The following CUBN variants were observed in gnomAD, a reference collection of about 807,000 sequenced individuals.
CUBN encodes the protein 460 kDa receptor.
Under a neutral mutation model 405.3 loss-of-function variants are expected in CUBN, and 282 were observed. The observed-to-expected ratio is 0.70, with a 90% confidence interval of 0.63 to 0.77. CUBN has a LOEUF of 0.77. Among genes scored for constraint, CUBN ranks in the 30% least tolerant of loss-of-function variants. The pLI is 0.00. For synonymous variants in CUBN, 1,684 were observed against 1,617.0 expected, an observed-to-expected ratio of 1.04 and a Z score of -0.99; for missense variants, 4,514 against 4,475.2, an observed-to-expected ratio of 1.01 and a Z score of -0.25.
At position 16,824,606 on chromosome 10, in the gene CUBN, T is replaced by A. The variant is rs1330826878; in HGVS notation, c.*369A>T. On this transcript the variant is annotated 3_prime_UTR_variant, in exon 67 of 67. Coordinates refer to ENST00000377833, the MANE Select transcript of CUBN (RefSeq NM_001081.4). The stretch of plus-strand genomic sequence containing the variant: ...TGTGATCTTAGCTCACTGCAACCTC[T>A]GCCTCCTGGGTTCAAGCAATTCTCC... 3.1e-6 allele frequency: 1 copy of A among 318,064 alleles called. No individual in the cohort carries two copies. Among genetic ancestry groups the A allele is most frequent in the African/African-American group, 2.2e-5 (1 of 46,158 alleles). The allele number at this position is 318,064 out of a possible 1,614,324, so 19.7% of individuals were successfully genotyped here.
At chr10:16,845,418 T>G (rs2131327930) in intron 60 of CUBN, among the ~76,000 whole-genome samples, 1 of 152,314 alleles carries the variant, frequency 6.6e-6, no homozygotes, top group Non-Finnish European at 1.5e-5. Context: ...TGAGGTCTGC[T>G]GGGCAACATG....
chr10:16,866,164 T>C (rs1174019974), intron 59 of CUBN, among the ~76,000 whole-genome samples: 2 of 152,136 alleles, frequency 1.3e-5, no homozygotes, highest in Non-Finnish European at 2.9e-5. Flanking sequence ...TGAAGTGTTA[T>C]AGAATACATC....
chr10:16,901,680 C>G (rs559368748), intron 51 of CUBN, among the ~76,000 whole-genome samples: 14 of 151,686 alleles, frequency 9.2e-5, no homozygotes, highest in African/African-American at 3.4e-4. Context: ...ATGGTGAAAC[C>G]CCATCTCAAC....
At chr10:17,004,429 C>A (rs1454169646) in intron 28 of CUBN, among the ~76,000 whole-genome samples, 1 of 152,196 alleles carries the variant, frequency 6.6e-6, no homozygotes. Flanking sequence ...ATACTGACAC[C>A]AGCAATTGCT....
chr10:16,993,940 G>T (rs1032060337), intron 28 of CUBN, among the ~76,000 whole-genome samples: 2 of 152,120 alleles, frequency 1.3e-5, no homozygotes, highest in Non-Finnish European at 2.9e-5. Flanking sequence ...TACCTCTGAG[G>T]ATTAACATAT....
rs35076405 is a variant in CUBN at position 17,065,133 on chromosome 10, C to T, written c.3139+375G>A. On this transcript the variant is annotated intron_variant, in intron 22 of 66. Coordinates refer to ENST00000377833, the MANE Select transcript of CUBN (RefSeq NM_001081.4). ...TTTATCATTTCTCTCTCTCTCTCCC[C>T]CCCCCCCCACACACACATGCACAGA... Among the ~76,000 whole-genome samples, 2 of 134,256 alleles carry T rather than the reference C, an allele frequency of 1.5e-5. 1 individual carries two copies. The highest frequency in any genetic ancestry group is 4.8e-4 in the South Asian group (2 of 4,144). 88.1% of individuals were successfully genotyped at this position (134,256 alleles called of 152,430 possible).
intron 54 of CUBN, among the ~76,000 whole-genome samples, chr10:16,897,295 G>C (rs140563080): frequency 8.1e-4 from 111 of 136,334 alleles, no homozygotes; most frequent in African/African-American, 3.1e-3. Context: ...TTAGCAGGCT[G>C]TCACCCTGTT....
At chr10:16,939,179 C>A (rs1200721190) in intron 37 of CUBN, 32 bp from the exon 38 acceptor site, 1 of 1,550,630 alleles carries the variant, frequency 6.4e-7, no homozygotes, top group South Asian at 1.1e-5. Context: ...TAAATCAGAC[C>A]CACTTAGAAT....
chr10:17,022,483 C>G (rs1011134354), intron 27 of CUBN, among the ~76,000 whole-genome samples: 2 of 151,998 alleles, frequency 1.3e-5, no homozygotes, highest in African/African-American at 4.8e-5. Flanking sequence ...TTATCAGAAG[C>G]CTCCCCTATA....
intron 17 of CUBN, among the ~76,000 whole-genome samples, chr10:17,076,518 T>A (rs1278391119): frequency 1.3e-5 from 2 of 150,816 alleles, no homozygotes; most frequent in Non-Finnish European, 1.5e-5. Flanking sequence ...TCCTTTATGC[T>A]CATGAACTGG....
chr10:16,971,714 C>A (rs927250864), intron 31 of CUBN, among the ~76,000 whole-genome samples: 1 of 152,128 alleles, frequency 6.6e-6, no homozygotes, highest in African/African-American at 2.4e-5. Flanking sequence ...TGTCTCTGTC[C>A]TGAAAACATG....
chr10:16,873,119 T>C (rs1461612801), intron 58 of CUBN, among the ~76,000 whole-genome samples: 1 of 152,040 alleles, frequency 6.6e-6, no homozygotes, highest in African/African-American at 2.4e-5. Flanking sequence ...GGTAGGTAGG[T>C]AGGTAGGTAG....
chr10:16,870,235 A>C lies in CUBN; in HGVS notation c.9237-382T>G, dbSNP rs1417082607. Among the ~76,000 whole-genome samples, 3 of 152,286 alleles carry C rather than the reference A, an allele frequency of 2.0e-5. No homozygotes were observed. The East Asian group carries it at 5.8e-4, about 29-fold the overall frequency. On this transcript the variant is annotated intron_variant, in intron 58 of 66. Coordinates refer to ENST00000377833, the MANE Select transcript of CUBN (RefSeq NM_001081.4). ...TTTTAGGTCTCATTAAAAATACCAT[A>C]TTTACTCTTCCCTTGTTATTTTATG...
In CUBN at chr10:17,100,110, G is replaced by T; in HGVS notation, c.1660C>A (p.Pro554Thr). Residue 554 changes from proline to threonine, a missense_variant, in exon 14 of 67, where the codon CCT becomes ACT. By Grantham distance (38) the Pro-to-Thr change is conservative. Coordinates refer to ENST00000377833, the MANE Select transcript of CUBN (RefSeq NM_001081.4). ...TTGTCACTGCTGAGGAGTTCATGAG[G>T]GAGGCTGGAGCCACAAAATCTTCCA... ...QLGRFCGSSL[P>T]HELLSSDNAL... 6.2e-7 allele frequency: 1 copy of T among 1,613,814 alleles called. No homozygotes were observed. The highest frequency in any genetic ancestry group is 1.1e-5 in the South Asian group (1 of 91,064).
At chr10:16,968,864 C>A (rs1434673284) in intron 31 of CUBN, among the ~76,000 whole-genome samples, 3 of 152,206 alleles carry the variant, frequency 2.0e-5, no homozygotes, top group Non-Finnish European at 4.4e-5. Context: ...AGAAATGCTC[C>A]TGATGTGTCA....
chr10:17,123,711 C>A, intron 4 of CUBN, 22 bp from the exon 5 acceptor site: 1 of 1,563,088 alleles, frequency 6.4e-7, no homozygotes, highest in South Asian at 1.1e-5. Context: ...ACAGGACAGT[C>A]AATGAGATGA....
intron 54 of CUBN, among the ~76,000 whole-genome samples, chr10:16,891,792 T>G (rs908972812): frequency 3.3e-5 from 5 of 152,112 alleles, no homozygotes; most frequent in African/African-American, 1.2e-4. Flanking sequence ...GGAGCAATTT[T>G]GGGACCTCTG....
At chr10:16,898,894 A>G (rs1841274274) in intron 54 of CUBN, 102 bp downstream of exon 54, 1 of 857,114 alleles carries the variant, frequency 1.2e-6, no homozygotes. Flanking sequence ...GAATCCAGGC[A>G]GCAAAATTTT....
intron 7 of CUBN, among the ~76,000 whole-genome samples, chr10:17,115,243 CAAAAAAAAA>C (rs71377018): frequency 8.2e-6 from 1 of 122,286 alleles, no homozygotes; most frequent in Non-Finnish European, 1.7e-5. Flanking sequence ...GGCTCCATCT[CAAAAAAAAA>C]AAAAAAAAAA....
Sources: gnomAD v4.1 joint callset for allele counts (sites outside exome capture counted in the v4.1 genomes callset) on GRCh38, gnomAD v4.1.1 for gene constraint, MANE v1.5 for transcripts, NCBI Gene and HGNC (gene_info 2026-07-23, HGNC 2026-07-21) for gene names.